The following TTC29 variants were observed in gnomAD, a reference collection of about 807,000 sequenced individuals.
The protein encoded by TTC29 is tetratricopeptide repeat protein 29.
In TTC29, 49 loss-of-function variants were observed where a neutral mutation model predicts 58.1. That is an observed-to-expected ratio of 0.84 (90% CI 0.67 to 1.07). TTC29 has a LOEUF of 1.07. TTC29 is among the 50% of genes least tolerant of loss of function. TTC29 has a pLI of 0.00. For synonymous variants in TTC29, 209 were observed against 196.8 expected (o/e 1.06, Z -0.52); for missense variants, 582 against 555.6 (o/e 1.05, Z -0.48).
At chr4:146,778,701 T>C (rs1748306840) in intron 11 of TTC29, among the ~76,000 whole-genome samples, 1 of 152,110 alleles carries the variant, frequency 6.6e-6, no homozygotes, top group African/African-American at 2.4e-5. Flanking sequence ...AGAGCAACTT[T>C]GTGAAAGCAG....
intron 4 of TTC29, among the ~76,000 whole-genome samples, chr4:146,927,906 A>T (rs1049045638): frequency 1.3e-5 from 2 of 152,180 alleles, no homozygotes; most frequent in Non-Finnish European, 2.9e-5. Context: ...CTGTATGAAT[A>T]GAGTACCAAT....
intron 11 of TTC29, among the ~76,000 whole-genome samples, chr4:146,747,934 G>A (rs1241144882): frequency 6.6e-6 from 1 of 152,200 alleles, no homozygotes; most frequent in East Asian, 1.9e-4. Flanking sequence ...TCTCTGGGGA[G>A]TGGAGTCATT....
intron 11 of TTC29, among the ~76,000 whole-genome samples, chr4:146,741,869 C>T (rs1388346104): frequency 1.3e-5 from 2 of 152,182 alleles, no homozygotes; most frequent in Non-Finnish European, 2.9e-5. Context: ...GGTGCTTCGC[C>T]TTAGCTCTTC....
chr4:146,750,522 G>T (rs1196642911), intron 11 of TTC29, among the ~76,000 whole-genome samples: 2 of 152,030 alleles, frequency 1.3e-5, no homozygotes, highest in Admixed American at 1.3e-4. Context: ...AATAACTAAA[G>T]CTACAATATA....
chr4:146,891,457 G>C (rs1732358770), intron 6 of TTC29, among the ~76,000 whole-genome samples: 1 of 152,008 alleles, frequency 6.6e-6, no homozygotes, highest in Non-Finnish European at 1.5e-5. Flanking sequence ...GGGGGACAGT[G>C]TTTGTCTTAA....
chr4:146,786,198 T>C (rs531154144), intron 11 of TTC29, among the ~76,000 whole-genome samples: 1 of 152,302 alleles, frequency 6.6e-6, no homozygotes, highest in South Asian at 2.1e-4. Flanking sequence ...TCTTCGTCTT[T>C]CTCTTCCTCC....
chr4:146,813,874 C>T (rs986404168), intron 10 of TTC29, among the ~76,000 whole-genome samples: 11 of 152,140 alleles, frequency 7.2e-5, no homozygotes, highest in African/African-American at 2.7e-4. Context: ...ATCCCAGCTA[C>T]TTGGGAGGCT....
intron 11 of TTC29, among the ~76,000 whole-genome samples, chr4:146,728,265 A>C (rs1352023643): frequency 6.6e-6 from 1 of 151,956 alleles, no homozygotes; most frequent in Non-Finnish European, 1.5e-5. Context: ...CAGTCTGGGC[A>C]ACAGAGTGAG....
chr4:146,846,502 G>A (rs1025016155), intron 8 of TTC29, among the ~76,000 whole-genome samples: 1 of 152,138 alleles, frequency 6.6e-6, no homozygotes, highest in African/African-American at 2.4e-5. Context: ...ATCCTGATAA[G>A]TACCAAAATG....
chr4:146,820,169 A>G lies in TTC29; in HGVS notation c.1057T>C (p.Leu353=), dbSNP rs1380005121. ...IARNNFQSLD[L]VRASTMLGDI... The stretch of plus-strand genomic sequence containing the variant: ...CCAAGCATTGTACTTGCTCTCACCA[A>G]ATCTAGGCTTTGAAAATTGTTTCTT... Residue 353 remains leucine, a synonymous_variant, in exon 10 of 13, where the codon TTG becomes CTG. Transcript: ENST00000325106. 6.2e-7 allele frequency: 1 copy of G among 1,613,328 alleles called. No homozygotes were observed. The highest frequency in any genetic ancestry group is 8.5e-7 in the Non-Finnish European group (1 of 1,179,762).
At chr4:146,867,417 C>A in intron 8 of TTC29, 81 bp downstream of exon 8, 2 of 653,326 alleles carry the variant, frequency 3.1e-6, no homozygotes, top group South Asian at 3.3e-5. Flanking sequence ...TTTCTATTGG[C>A]CTTGTAATAA....
intron 11 of TTC29, among the ~76,000 whole-genome samples, chr4:146,792,890 A>G (rs567113824): frequency 2.0e-5 from 3 of 152,196 alleles, no homozygotes; most frequent in Non-Finnish European, 4.4e-5. Context: ...TGCAGCGCTC[A>G]TGGATGACTT....
intron 8 of TTC29, among the ~76,000 whole-genome samples, chr4:146,841,711 C>T (rs1027415700): frequency 4.6e-5 from 7 of 151,914 alleles, no homozygotes; most frequent in African/African-American, 1.7e-4. Context: ...CTTGGAGGAG[C>T]CTTGTGAGAT....
intron 11 of TTC29, among the ~76,000 whole-genome samples, chr4:146,711,625 C>T (rs557828122): frequency 5.9e-5 from 9 of 152,196 alleles, no homozygotes; most frequent in African/African-American, 1.9e-4. Context: ...AAACTATGCT[C>T]CTATCTTATA....
chr4:146,871,699 AAAG>A (rs1047290181), intron 7 of TTC29, among the ~76,000 whole-genome samples: 1 of 151,950 alleles, frequency 6.6e-6, no homozygotes, highest in Non-Finnish European at 1.5e-5. Flanking sequence ...AAATTTAACA[AAAG>A]AAGGCAGTAC....
intron 11 of TTC29, among the ~76,000 whole-genome samples, chr4:146,745,324 AG>A (rs1447040445): frequency 2.0e-5 from 3 of 152,218 alleles, no homozygotes; most frequent in Non-Finnish European, 4.4e-5. Flanking sequence ...TGGAACTAGA[AG>A]GGGAAAATGA....
intron 11 of TTC29, among the ~76,000 whole-genome samples, chr4:146,783,384 A>G (rs1478819950): frequency 6.6e-6 from 1 of 151,686 alleles, no homozygotes; most frequent in Non-Finnish European, 1.5e-5. Flanking sequence ...ATGTAAATCA[A>G]CTTAGCCTCT....
chr4:146,886,768 T>C (rs1298288115), intron 6 of TTC29, among the ~76,000 whole-genome samples: 1 of 152,158 alleles, frequency 6.6e-6, no homozygotes, highest in East Asian at 1.9e-4. Flanking sequence ...GAGCAAATCC[T>C]TGCATAAGGA....
At chr4:146,802,268 C>T (rs951502) in intron 11 of TTC29, among the ~76,000 whole-genome samples, 8,479 of 152,098 alleles carry the variant, frequency 0.056, 819 homozygotes, top group African/African-American at 0.19. Flanking sequence ...CTGAAGGATA[C>T]ATAACTCAAA....
Sources: allele counts gnomAD v4.1 joint callset (sites outside exome capture counted in the v4.1 genomes callset), GRCh38; gene constraint gnomAD v4.1.1; transcripts MANE v1.5; gene names NCBI Gene and HGNC (gene_info 2026-07-23, HGNC 2026-07-21).